CSNK1G1: variants seen among roughly 807,000 people sequenced by gnomAD.
CSNK1G1 encodes casein kinase I isoform gamma-1.
In CSNK1G1, 22 loss-of-function variants were observed where a neutral mutation model predicts 59.6. The observed-to-expected ratio is 0.37, with a 90% CI of 0.26 to 0.53. The LOEUF (loss-of-function observed/expected upper bound fraction) is 0.53, where lower values mean the gene tolerates loss of function less well. Among genes scored for constraint, CSNK1G1 ranks in the 20% least tolerant of loss-of-function variants. CSNK1G1 has a pLI of 0.89. For missense variants in CSNK1G1, 384 were observed against 519.5 expected (o/e 0.74, Z 2.54); for synonymous variants, 179 against 177.1 (o/e 1.01, Z -0.08).
Position 64,221,591 on chromosome 15 carries a change from G to A in CSNK1G1, c.293-4878C>T, listed in dbSNP as rs139432969. 3.5e-3 allele frequency among the ~76,000 whole-genome samples: 538 copies of A among 151,628 alleles called. 1 individual carries two copies. The highest frequency in any genetic ancestry group is 5.1e-3 in the Non-Finnish European group (346 of 67,960). On this transcript the variant is annotated intron_variant, in intron 4 of 11. Transcript: ENST00000303052. ...CATTTCTAGGAGAGGGTCAAGGTCC[G>A]AGATACCAGTGTAGAAAAAGCTCAA...
intron 4 of CSNK1G1, among the ~76,000 whole-genome samples, chr15:64,225,774 C>T (rs1416256143): frequency 1.3e-5 from 2 of 152,128 alleles, no homozygotes; most frequent in Non-Finnish European, 2.9e-5. Flanking sequence ...TTACGGGTGC[C>T]TGTCACCACA....
At chr15:64,222,446 A>C (rs1377959726) in intron 4 of CSNK1G1, among the ~76,000 whole-genome samples, 9 of 150,498 alleles carry the variant, frequency 6.0e-5, no homozygotes, top group Non-Finnish European at 3.0e-5. Flanking sequence ...CCAAAAAAAA[A>C]AAAAAAAAAA....
At chr15:64,186,036 T>C (rs985341897) in intron 10 of CSNK1G1, among the ~76,000 whole-genome samples, 4 of 152,140 alleles carry the variant, frequency 2.6e-5, no homozygotes, top group African/African-American at 9.7e-5. Flanking sequence ...CCTAACTTTA[T>C]TATTATATTA....
chr15:64,305,341 T>C (rs1895616213), intron 1 of CSNK1G1, among the ~76,000 whole-genome samples: 1 of 152,098 alleles, frequency 6.6e-6, no homozygotes, highest in Non-Finnish European at 1.5e-5. Flanking sequence ...AAACTATCAA[T>C]AACTATAGGA....
chr15:64,238,995 C>T (rs1001562110), intron 4 of CSNK1G1, among the ~76,000 whole-genome samples: 4 of 152,208 alleles, frequency 2.6e-5, no homozygotes, highest in Non-Finnish European at 4.4e-5. Context: ...CCAAAAAACT[C>T]TATACCCTAG....
intron 1 of CSNK1G1, among the ~76,000 whole-genome samples, chr15:64,349,090 T>A (rs1352172481): frequency 1.4e-5 from 2 of 141,698 alleles, no homozygotes; most frequent in Non-Finnish European, 3.0e-5. Flanking sequence ...TGAGCCGAGA[T>A]CACGCCACTG....
chr15:64,182,625 C>T (rs940726313), intron 10 of CSNK1G1, among the ~76,000 whole-genome samples: 9 of 152,134 alleles, frequency 5.9e-5, no homozygotes, highest in Non-Finnish European at 1.3e-4. Context: ...TGTCTTCGTT[C>T]TTAGAAGATA....
intron 2 of CSNK1G1, among the ~76,000 whole-genome samples, chr15:64,280,993 C>T (rs1894095813): frequency 6.6e-6 from 1 of 152,092 alleles, no homozygotes; most frequent in African/African-American, 2.4e-5. Context: ...CATTATCCTG[C>T]CTCAGCCTCC....
At chr15:64,263,180 G>A (rs1892790499) in intron 2 of CSNK1G1, among the ~76,000 whole-genome samples, 1 of 151,030 alleles carries the variant, frequency 6.6e-6, no homozygotes, top group Non-Finnish European at 1.5e-5. Flanking sequence ...CATTCAGTGT[G>A]CAACCTTTTT....
chr15:64,280,607 G>A (rs904778322), intron 2 of CSNK1G1, among the ~76,000 whole-genome samples: 3 of 151,936 alleles, frequency 2.0e-5, no homozygotes, highest in South Asian at 4.2e-4. Context: ...TGATCTGCCC[G>A]GCTCGGCCTC....
chr15:64,341,543 T>G (rs930540500), intron 1 of CSNK1G1, among the ~76,000 whole-genome samples: 3 of 152,174 alleles, frequency 2.0e-5, no homozygotes, highest in Non-Finnish European at 4.4e-5. Context: ...CATGATCAGA[T>G]CTCACTGCAG....
chr15:64,214,133 G>T lies in CSNK1G1; in HGVS notation c.445-9C>A, dbSNP rs763317948. ...TATTCCATTCGAGAAAGCTGAAAGA[G>T]AAACAAATGATAGAAAGACTGTAAA... On this transcript the variant is annotated splice_polypyrimidine_tract_variant and intron_variant, in intron 5 of 11. Coordinates refer to ENST00000303052, the MANE Select transcript of CSNK1G1 (RefSeq NM_022048.5). The surrounding 1 kb of genome is among the most constrained non-coding windows in gnomAD (Gnocchi z 4.3). 1 of 1,572,860 alleles carries T rather than the reference G, an allele frequency of 6.4e-7. No individual in the cohort carries two copies. Among genetic ancestry groups the T allele is most frequent in the Non-Finnish European group, 8.8e-7 (1 of 1,142,746 alleles).
chr15:64,213,867 T>C (rs1345691039), intron 6 of CSNK1G1, 23 bp downstream of exon 6: 1 of 1,499,936 alleles, frequency 6.7e-7, no homozygotes, highest in Non-Finnish European at 9.3e-7. Context: ...CTCGCCCCTT[T>C]CATGGAACAG....
intron 1 of CSNK1G1, among the ~76,000 whole-genome samples, chr15:64,345,341 G>GA (rs1897896505): frequency 6.6e-6 from 1 of 152,144 alleles, no homozygotes; most frequent in East Asian, 1.9e-4. Context: ...TTCCTATTCA[G>GA]TTTTTGCCAG....
chr15:64,278,377 CGTGTGTGTGTGTGTGTGTGTGTGT>C (rs56064136), intron 2 of CSNK1G1, among the ~76,000 whole-genome samples: 1 of 111,488 alleles, frequency 9.0e-6, no homozygotes, highest in African/African-American at 3.3e-5. Context: ...CATGTATGTG[CGTGTGTGTGTGTGTGTGTGTGTGT>C]GTGTGTGTGT....
At chr15:64,267,570 T>C (rs544679566) in intron 2 of CSNK1G1, among the ~76,000 whole-genome samples, 2 of 152,130 alleles carry the variant, frequency 1.3e-5, no homozygotes, top group South Asian at 4.1e-4. Context: ...ATGTTCAACA[T>C]TACAAATCAT....
intron 4 of CSNK1G1, among the ~76,000 whole-genome samples, chr15:64,242,935 A>G (rs1891548159): frequency 6.6e-6 from 1 of 152,228 alleles, no homozygotes; most frequent in South Asian, 2.1e-4. Context: ...ACATACATAA[A>G]TTAATATATG....
At chr15:64,180,216 A>C in intron 11 of CSNK1G1, 132 bp downstream of exon 11, 1 of 675,678 alleles carries the variant, frequency 1.5e-6, no homozygotes, top group Non-Finnish European at 2.6e-6. Flanking sequence ...GCAAAAATTA[A>C]AACAGTTAAG....
intron 10 of CSNK1G1, among the ~76,000 whole-genome samples, chr15:64,190,179 T>C (rs561142848): frequency 6.6e-6 from 1 of 152,060 alleles, no homozygotes; most frequent in Non-Finnish European, 1.5e-5. Context: ...TTATAAAGGA[T>C]CCTGTTCATA....
Sources: gnomAD v4.1 joint callset for allele counts (sites outside exome capture counted in the v4.1 genomes callset) on GRCh38, gnomAD v4.1.1 for gene constraint, Gnocchi (gnomAD v3.1) non-coding constraint, MANE v1.5 for transcripts, NCBI Gene and HGNC (gene_info 2026-07-23, HGNC 2026-07-21) for gene names.